The following TEX11 variants were observed in gnomAD, a reference collection of about 807,000 sequenced individuals.
TEX11 encodes the protein testis expressed 11.
TEX11 carries 7 observed loss-of-function variants against 84.4 expected under a neutral mutation model. The observed-to-expected ratio is 0.08, with a 90% confidence interval of 0.05 to 0.16. The LOEUF (loss-of-function observed/expected upper bound fraction) is 0.16, where lower values mean the gene tolerates loss of function less well. Ranked by LOEUF, TEX11 falls within the 10% of genes least tolerant of loss-of-function variation. The pLI is 1.00. For missense variants in TEX11, 551 were observed against 660.5 expected (o/e 0.83, Z 1.82); for synonymous variants, 264 against 222.8 (o/e 1.18, Z -1.64).
chrX:70,756,184 G>C (rs1222626026), intron 9 of TEX11, among the ~76,000 whole-genome samples: 1 of 112,804 alleles, frequency 8.9e-6, no homozygotes, highest in Non-Finnish European at 1.9e-5. Context: ...TTTGTGGGCA[G>C]GGCATAGCAG....
intron 20 of TEX11, 102 bp from the exon 21 acceptor site, chrX:70,610,645 AT>A: frequency 1.2e-6 from 1 of 855,206 alleles, no homozygotes; most frequent in Non-Finnish European, 1.7e-6. Context: ...AACTAAGAAA[AT>A]GCAAAATTGT....
chrX:70,568,546 G>T (rs778905450), intron 25 of TEX11, among the ~76,000 whole-genome samples: 253 of 111,291 alleles, frequency 2.3e-3, no homozygotes, highest in African/African-American at 7.8e-3. Context: ...GCTGGTCCCA[G>T]TTGTTCCTTT....
chrX:70,886,056 C>T lies in TEX11; in HGVS notation c.38-5947G>A, dbSNP rs192013569. On this transcript the variant is annotated intron_variant, in intron 2 of 29. Coordinates refer to ENST00000374333, the MANE Select transcript of TEX11 (RefSeq NM_031276.3). ...AAGGTTCTTCAAAAAATTAAAAATA[C>T]AACTCGCATATGATACAGCAATTAC... Among the ~76,000 whole-genome samples the T allele has an allele frequency of 3.7e-3, 409 of 110,965 alleles. 2 individuals carry two copies. The highest frequency in any genetic ancestry group is 9.6e-3 in the African/African-American group (294 of 30,613).
chrX:70,892,675 G>C (rs933318428), intron 2 of TEX11, among the ~76,000 whole-genome samples: 9 of 109,594 alleles, frequency 8.2e-5, no homozygotes, highest in African/African-American at 3.0e-4. Context: ...GGAGGTTGCA[G>C]TGAGATGAGA....
At chrX:70,737,215 T>C (rs2090702459) in intron 11 of TEX11, among the ~76,000 whole-genome samples, 1 of 111,417 alleles carries the variant, frequency 9.0e-6, no homozygotes, top group Admixed American at 9.6e-5. Context: ...ATGAAAAATA[T>C]ATGGGATGAG....
chrX:70,703,499 A>G (rs1048539079), intron 13 of TEX11, among the ~76,000 whole-genome samples: 3 of 110,823 alleles, frequency 2.7e-5, no homozygotes, highest in African/African-American at 9.8e-5. Context: ...AGGAGCTTGA[A>G]CTTTCTCAAT....
intron 28 of TEX11, among the ~76,000 whole-genome samples, chrX:70,542,544 A>G (rs1053577621): frequency 8.9e-6 from 1 of 112,064 alleles, no homozygotes; most frequent in African/African-American, 3.2e-5. Flanking sequence ...AAATTCCCTC[A>G]TTGATAAATT....
rs190141740 is a variant in TEX11 at position 70,752,386 on chromosome X, G to A, written c.693-8167C>T. On this transcript the variant is annotated intron_variant, in intron 9 of 29. Transcript: ENST00000374333. ...CCAAAAATACAAAAATTAGCCGGGC[G>A]TGGTGGCACAGGCCTGTAATCCCAG... 1.4e-4 allele frequency among the ~76,000 whole-genome samples: 15 copies of A among 108,677 alleles called. No individual in the cohort carries two copies. In the East Asian group the frequency reaches 3.4e-3, roughly 25 times the overall value. The allele number at this position is 108,677 out of a possible 115,157, so 94.4% of individuals were successfully genotyped here.
At position 70,879,921 on chromosome X, in the gene TEX11, T is replaced by C. The variant is rs755284383; in HGVS notation, c.159+67A>G. 5 of 973,144 alleles carry C rather than the reference T, an allele frequency of 5.1e-6. No homozygotes were observed. In the Admixed American group the frequency reaches 8.1e-5, roughly 16 times the overall value. The allele number at this position is 973,144 out of a possible 1,213,427, so 80.2% of individuals were successfully genotyped here. On this transcript the variant is annotated intron_variant, in intron 3 of 29. Coordinates refer to ENST00000374333, the MANE Select transcript of TEX11 (RefSeq NM_031276.3). ...AGCATGAAGACTACTTTTTTACCTA[T>C]ATAATACATTGGTTAAAATGAAGAA... is the stretch of plus-strand genomic sequence containing the variant.
chrX:70,831,415 C>T (rs2091375931), intron 8 of TEX11, among the ~76,000 whole-genome samples: 1 of 110,725 alleles, frequency 9.0e-6, no homozygotes, highest in African/African-American at 3.3e-5. Flanking sequence ...CTGCCTGAGC[C>T]CAGGAGTTCA....
intron 14 of TEX11, among the ~76,000 whole-genome samples, chrX:70,679,391 C>T (rs1207703765): frequency 9.3e-6 from 1 of 107,600 alleles, no homozygotes; most frequent in Non-Finnish European, 1.9e-5. Flanking sequence ...CGTCTCTGCC[C>T]GGCCGCCCAT....
At chrX:70,534,015 C>T (rs901586447) in intron 28 of TEX11, among the ~76,000 whole-genome samples, 23 of 100,941 alleles carry the variant, frequency 2.3e-4, no homozygotes, top group African/African-American at 7.4e-4. Context: ...TCGCTTGAAC[C>T]TGGGAGGCAG....
intron 13 of TEX11, among the ~76,000 whole-genome samples, chrX:70,715,861 G>A (rs750751019): frequency 1.8e-5 from 2 of 111,066 alleles, no homozygotes; most frequent in South Asian, 7.7e-4. Flanking sequence ...GAAGAGAAGA[G>A]GTGCTCTGAT....
At chrX:70,837,442 A>G in intron 7 of TEX11, among the ~76,000 whole-genome samples, 1 of 110,793 alleles carries the variant, frequency 9.0e-6, no homozygotes. Context: ...CATGCCTGTA[A>G]TCTCACGCTA....
chrX:70,847,291 T>C (rs932913400), intron 7 of TEX11, among the ~76,000 whole-genome samples: 10 of 111,396 alleles, frequency 9.0e-5, no homozygotes, highest in Non-Finnish European at 1.5e-4. Context: ...CAGCCTCAAG[T>C]ATGCCATTAT....
intron 9 of TEX11, among the ~76,000 whole-genome samples, chrX:70,747,555 TAC>T (rs2090776695): frequency 8.9e-6 from 1 of 111,907 alleles, no homozygotes; most frequent in Non-Finnish European, 1.9e-5. Context: ...AAGTGTGACC[TAC>T]ACAGAAGAAA....
At position 70,613,297 on chromosome X, in the gene TEX11, G is replaced by A. The variant is rs140379472; in HGVS notation, c.1752-2754C>T. On this transcript the variant is annotated intron_variant, in intron 20 of 29. Transcript: ENST00000374333. ...ATATTGTTGAAAGAGGAACTGAAGA[G>A]GGTAGGAAAGACAGTCTTTAATCAC... 7.8e-3 allele frequency among the ~76,000 whole-genome samples: 870 copies of A among 111,919 alleles called. 11 individuals carry two copies. The highest frequency in any genetic ancestry group is 0.027 in the African/African-American group (820 of 30,837).
intron 28 of TEX11, among the ~76,000 whole-genome samples, chrX:70,535,151 A>T (rs1486630817): frequency 8.9e-6 from 1 of 112,375 alleles, no homozygotes; most frequent in Non-Finnish European, 1.9e-5. Flanking sequence ...TTAGTACTTC[A>T]TTCCTTTCAA....
At chrX:70,706,403 A>C (rs900983326) in intron 13 of TEX11, among the ~76,000 whole-genome samples, 4 of 110,683 alleles carry the variant, frequency 3.6e-5, no homozygotes, top group African/African-American at 9.9e-5. Context: ...GCATGTATAC[A>C]TATGTAACAA....
Sources: gnomAD v4.1 joint callset for allele counts (sites outside exome capture counted in the v4.1 genomes callset) on GRCh38, gnomAD v4.1.1 for gene constraint, MANE v1.5 for transcripts, NCBI Gene and HGNC (gene_info 2026-07-23, HGNC 2026-07-21) for gene names.